COL5A2: variants seen among roughly 807,000 people sequenced by gnomAD.
COL5A2 encodes the protein collagen type V alpha 2 chain.
In COL5A2, 23 loss-of-function variants were observed where a neutral mutation model predicts 208.2. The ratio of observed to expected loss-of-function variants is 0.11; its 90% confidence interval spans 0.08 to 0.16. The LOEUF (loss-of-function observed/expected upper bound fraction) is 0.16. Ranked by LOEUF, COL5A2 falls within the 10% of genes least tolerant of loss-of-function variation. COL5A2 has a pLI of 1.00. For synonymous variants in COL5A2, 625 were observed against 628.5 expected (o/e 0.99, Z 0.08); for missense variants, 1,590 against 1,956.4 (o/e 0.81, Z 3.53).
the COL5A2 span, among the ~76,000 whole-genome samples, chr2:189,240,709 C>A: frequency 6.6e-6 from 1 of 152,106 alleles, no homozygotes; most frequent in African/African-American, 2.4e-5. Flanking sequence ...GCCCAGTAGT[C>A]CCCCAGTGTC....
chr2:189,060,648 G>A, intron 31 of COL5A2, 82 bp downstream of exon 31: 1 of 1,166,244 alleles, frequency 8.6e-7, no homozygotes, highest in Non-Finnish European at 1.3e-6. Flanking sequence ...GTAAAGGAAA[G>A]CACAACAGAG....
the COL5A2 span, among the ~76,000 whole-genome samples, chr2:189,236,987 C>A: frequency 6.6e-6 from 1 of 151,716 alleles, no homozygotes; most frequent in Non-Finnish European, 1.5e-5. Flanking sequence ...AAATGCCATA[C>A]TTCATTACCT....
At chr2:189,288,611 G>A in the COL5A2 span, among the ~76,000 whole-genome samples, 2 of 152,076 alleles carry the variant, frequency 1.3e-5, no homozygotes, top group Admixed American at 6.5e-5. Context: ...CTAGAGCCTC[G>A]TGGCTTCACT....
chr2:189,056,988 T>G lies in COL5A2; in HGVS notation c.2376A>C (p.Gly792=), dbSNP rs35860166. The change falls in exon 35 of 54, where the codon GGA becomes GGC. Residue 792 remains glycine (G), a synonymous_variant. Transcript: ENST00000374866. The part of the protein sequence containing the change: ...IGEKGAEGTA[G]NDGARGLPGP... ...TTTCACTTACTCTTGCACCATCATT[T>G]CCAGCTGTGCCTTCAGCACCTTTTT... is the stretch of plus-strand genomic sequence containing the variant. 1.5e-4 allele frequency: 242 copies of G among 1,614,086 alleles called. 1 individual carries two copies. In the African/African-American group the frequency reaches 2.5e-3, roughly 16 times the overall value.
the COL5A2 span, among the ~76,000 whole-genome samples, chr2:189,361,612 T>C: frequency 4.3e-4 from 65 of 152,130 alleles, 1 homozygote; most frequent in African/African-American, 1.5e-3. Context: ...TACATTCAAA[T>C]TTATTATTGA....
chr2:189,108,109 TTA>T (rs1316360241), intron 2 of COL5A2, among the ~76,000 whole-genome samples: 4 of 151,770 alleles, frequency 2.6e-5, no homozygotes, highest in Admixed American at 6.6e-5. Context: ...CCCCCTTTCA[TTA>T]TATATGTTTT....
Position 189,062,888 on chromosome 2 carries a change from G to A in COL5A2, c.1954C>T (p.Pro652Ser). Residue 652 changes from proline to serine, a missense_variant, in exon 29 of 54, where the codon CCT becomes TCT. Transcript: ENST00000374866. The stretch of plus-strand genomic sequence containing the variant: ...ACCGGCGGGCCCACAGGACCAGAAG[G>A]ACCAACTTCACCATCTTTTCCAGGA... Reference protein sequence around the residue: ...GAPGKDGEVGPSGPVGPPGLA... With the variant: ...GAPGKDGEVGSSGPVGPPGLA... 6.2e-7 allele frequency: 1 copy of A among 1,613,992 alleles called. No homozygotes were observed. Among genetic ancestry groups the A allele is most frequent in the Non-Finnish European group, 8.5e-7 (1 of 1,180,004 alleles).
the COL5A2 span, among the ~76,000 whole-genome samples, chr2:189,440,530 C>T: frequency 1.3e-5 from 2 of 152,282 alleles, no homozygotes; most frequent in South Asian, 4.1e-4. Context: ...ACGGAATCAC[C>T]ATGTTATATG....
chr2:189,092,940 C>T (rs375027370), intron 6 of COL5A2, among the ~76,000 whole-genome samples: 4 of 152,144 alleles, frequency 2.6e-5, no homozygotes, highest in South Asian at 2.1e-4. Context: ...GTTCCTGGTA[C>T]ATACTAGACA....
chr2:189,139,126 C>G (rs1053333931), intron 1 of COL5A2, among the ~76,000 whole-genome samples: 4 of 151,870 alleles, frequency 2.6e-5, no homozygotes, highest in African/African-American at 9.7e-5. Context: ...AATTTAACAC[C>G]AGGCTTGGCG....
chr2:189,366,600 C>T, the COL5A2 span, among the ~76,000 whole-genome samples: 5,358 of 152,300 alleles, frequency 0.035, 111 homozygotes, highest in Admixed American at 0.05. Context: ...CATAGATCCC[C>T]GCAGGTGCGT....
chr2:189,312,919 T>C, the COL5A2 span, among the ~76,000 whole-genome samples: 1 of 146,884 alleles, frequency 6.8e-6, no homozygotes, highest in Non-Finnish European at 1.5e-5. Flanking sequence ...AGATAGAAGG[T>C]AGATAAGCAT....
intron 1 of COL5A2, among the ~76,000 whole-genome samples, chr2:189,131,667 T>C (rs1391276884): frequency 6.6e-6 from 1 of 152,170 alleles, no homozygotes; most frequent in East Asian, 1.9e-4. Context: ...TGATAATTTT[T>C]TGTGTAATTA....
At chr2:189,292,782 C>A in the COL5A2 span, among the ~76,000 whole-genome samples, 1 of 152,270 alleles carries the variant, frequency 6.6e-6, no homozygotes, top group South Asian at 2.1e-4. Context: ...ATAAATCATG[C>A]TGCTATAAAG....
At chr2:189,137,046 A>G (rs1687840178) in intron 1 of COL5A2, among the ~76,000 whole-genome samples, 1 of 152,196 alleles carries the variant, frequency 6.6e-6, no homozygotes, top group Non-Finnish European at 1.5e-5. Flanking sequence ...AGAAATCTAT[A>G]TTATAGGTTC....
the COL5A2 span, among the ~76,000 whole-genome samples, chr2:189,275,386 T>C: frequency 3.3e-5 from 5 of 151,802 alleles, no homozygotes; most frequent in African/African-American, 4.8e-5. Context: ...TATCATAATT[T>C]ATATAGTAAA....
At chr2:189,320,166 C>T in the COL5A2 span, among the ~76,000 whole-genome samples, 7 of 152,122 alleles carry the variant, frequency 4.6e-5, 1 homozygote, top group Middle Eastern at 6.3e-3. Context: ...CCCATCTGTA[C>T]GTCACCATCA....
the COL5A2 span, among the ~76,000 whole-genome samples, chr2:189,331,453 T>C: frequency 6.6e-6 from 1 of 152,196 alleles, no homozygotes; most frequent in Admixed American, 6.5e-5. Flanking sequence ...GGGAGGGACC[T>C]GGAGGGAGAT....
chr2:189,140,269 T>C (rs1157346323), intron 1 of COL5A2, among the ~76,000 whole-genome samples: 1 of 151,818 alleles, frequency 6.6e-6, no homozygotes, highest in African/African-American at 2.4e-5. Context: ...GGGCAGAAAA[T>C]AAAACTAATA....
Sources: allele counts gnomAD v4.1 joint callset (sites outside exome capture counted in the v4.1 genomes callset), GRCh38; gene constraint gnomAD v4.1.1; transcripts MANE v1.5; gene names NCBI Gene and HGNC (gene_info 2026-07-23, HGNC 2026-07-21).